Variants in NSUN6 observed in about 807,000 individuals in gnomAD.
The protein encoded by NSUN6 is NOP2/Sun RNA methyltransferase 6.
Under a neutral mutation model 58.0 loss-of-function variants are expected in NSUN6, and 64 were observed. The ratio of observed to expected loss-of-function variants is 1.10; its 90% CI spans 0.90 to 1.36. The LOEUF (loss-of-function observed/expected upper bound fraction) is 1.36, where lower values mean the gene tolerates loss of function less well. Among genes scored for constraint, NSUN6 ranks in the 40% most tolerant of loss-of-function variants. NSUN6 has a pLI of 0.00. For synonymous variants in NSUN6, 231 were observed against 193.9 expected (o/e 1.19, Z -1.59); for missense variants, 701 against 550.1 (o/e 1.27, Z -2.74).
intron 7 of NSUN6, among the ~76,000 whole-genome samples, chr10:18,592,374 A>G (rs1023953234): frequency 4.6e-5 from 7 of 152,218 alleles, no homozygotes; most frequent in African/African-American, 1.7e-4. Flanking sequence ...AAAATACTTT[A>G]AACTTCATAT....
In NSUN6 at chr10:18,545,939, G is replaced by C. The variant is rs137970631; in HGVS notation, c.1404C>G (p.Ser468Arg). The C allele has an allele frequency of 4.7e-4, 728 of 1,542,258 alleles. No homozygotes were observed. Among genetic ancestry groups the C allele is most frequent in the South Asian group, 4.8e-4 (41 of 85,046 alleles). ...CTGAGCATCCATCCCTCTCCTATGT[G>C]CTTTTGCATTTTACAAATTTTGCAA... ...FFIAKFVKCKST is the reference protein window; with the variant it reads ...FFIAKFVKCKRT The change falls in exon 11 of 11, where the codon AGC becomes AGG. Residue 468 changes from serine to arginine, a missense_variant. Physicochemically the swap from Ser to Arg is moderately radical, Grantham distance 110 (BLOSUM62 -1). Coordinates refer to ENST00000377304, the MANE Select transcript of NSUN6 (RefSeq NM_182543.5).
chr10:18,580,999 G>A lies in NSUN6; in HGVS notation c.922+4950C>T, dbSNP rs78930017. On this transcript the variant is annotated intron_variant, in intron 8 of 10. Transcript: ENST00000377304. ...ACACTTGGAAGAGGGCCAACTGGGC[G>A]ACTTGAGAGATCAAGTGCATGGTCT... 3.8e-3 allele frequency among the ~76,000 whole-genome samples: 573 copies of A among 152,292 alleles called. 3 individuals carry two copies. Among genetic ancestry groups the A allele is most frequent in the African/African-American group, 0.013 (551 of 41,556 alleles).
At chr10:18,598,780 T>G (rs7894016) in intron 6 of NSUN6, among the ~76,000 whole-genome samples, 53,335 of 152,056 alleles carry the variant, frequency 0.35, 9,919 homozygotes, top group East Asian at 0.74. Context: ...GTTTTATTTA[T>G]TACAAAAATA....
chr10:18,654,276 T>A (rs185411289), upstream of NSUN6, among the ~76,000 whole-genome samples: 165 of 152,224 alleles, frequency 1.1e-3, no homozygotes, highest in African/African-American at 3.8e-3. Flanking sequence ...GTTAACTAAT[T>A]TCTATCTAGT....
intron 8 of NSUN6, among the ~76,000 whole-genome samples, chr10:18,563,364 G>A (rs2055684957): frequency 6.6e-6 from 1 of 150,930 alleles, no homozygotes; most frequent in African/African-American, 2.4e-5. Flanking sequence ...AACTAGAATG[G>A]AGAATGGAAT....
intron 7 of NSUN6, among the ~76,000 whole-genome samples, chr10:18,589,536 C>G (rs2057299649): frequency 6.6e-6 from 1 of 152,154 alleles, no homozygotes; most frequent in Non-Finnish European, 1.5e-5. Flanking sequence ...CAAAGGGAAG[C>G]CCATCGGACT....
chr10:18,570,846 ATTCCATTCTC>A (rs1374377420), intron 8 of NSUN6, among the ~76,000 whole-genome samples: 2 of 140,850 alleles, frequency 1.4e-5, no homozygotes, highest in Admixed American at 7.2e-5. Flanking sequence ...CCCATTCTCT[ATTCCATTCTC>A]TTCCATTCTC....
At chr10:18,618,439 T>C (rs917962862) in intron 3 of NSUN6, among the ~76,000 whole-genome samples, 1 of 152,122 alleles carries the variant, frequency 6.6e-6, no homozygotes, top group African/African-American at 2.4e-5. Flanking sequence ...CCCAGTACTT[T>C]TGGAGGCTGA....
intron 8 of NSUN6, among the ~76,000 whole-genome samples, chr10:18,574,783 T>C (rs1327679077): frequency 6.6e-6 from 1 of 152,172 alleles, no homozygotes; most frequent in Non-Finnish European, 1.5e-5. Context: ...TCATTAATAT[T>C]AAAGATCAAG....
Position 18,648,681 on chromosome 10 carries a change from T to C in NSUN6, c.76-36A>G, listed in dbSNP as rs774997952. 2.3e-6 allele frequency: 3 copies of C among 1,293,104 alleles called. No individual in the cohort carries two copies. The South Asian group carries it at 3.7e-5, about 16-fold the overall frequency. The allele number at this position is 1,293,104 out of a possible 1,614,324, so 80.1% of individuals were successfully genotyped here. On this transcript the variant is annotated intron_variant, in intron 1 of 10. Transcript: ENST00000377304. ...GTTCATGTTTAAATTTCCTGAGAAT[T>C]AAAAACAGTCAGCAGAGCATCCTTA...
At chr10:18,575,192 G>C (rs1452514730) in intron 8 of NSUN6, among the ~76,000 whole-genome samples, 1 of 152,158 alleles carries the variant, frequency 6.6e-6, no homozygotes, top group East Asian at 1.9e-4. Context: ...AATTCTCAGA[G>C]TTTATGGTTG....
chr10:18,593,839 C>T (rs940166169), intron 7 of NSUN6, among the ~76,000 whole-genome samples: 5 of 149,364 alleles, frequency 3.3e-5, no homozygotes, highest in African/African-American at 4.9e-5. Flanking sequence ...CAAACCTGCA[C>T]ATTCTGCAGG....
intron 8 of NSUN6, among the ~76,000 whole-genome samples, chr10:18,558,315 GGAGAA>G: frequency 6.7e-6 from 1 of 149,580 alleles, no homozygotes; most frequent in African/African-American, 2.4e-5. Context: ...GGAATGGAAT[GGAGAA>G]CAGAATGGAA....
At chr10:18,656,840 T>C (rs1590217911), upstream of NSUN6, among the ~76,000 whole-genome samples, 1 of 88,022 alleles carries the variant, frequency 1.1e-5, no homozygotes, top group Admixed American at 1.1e-4. Flanking sequence ...TTTTTTTTTT[T>C]TTGGTTCAGA....
rs1003412789 is a variant in NSUN6 at position 18,566,693 on chromosome 10, TTCCACACCATTC to T, written c.923-14734_923-14723del. On this transcript the variant is annotated intron_variant, in intron 8 of 10. Transcript: ENST00000377304. ...ATTGAATGCTCCATTTTCTGTTCCA[TTCCACACCATTC>T]TCCACTCCATTCTCCATTTCATTCC... 3.0e-3 allele frequency among the ~76,000 whole-genome samples: 460 copies of T among 151,542 alleles called. 2 individuals carry two copies. Among genetic ancestry groups the T allele is most frequent in the African/African-American group, 0.011 (439 of 41,426 alleles).
Position 18,640,686 on chromosome 10 carries a change from G to A in NSUN6, c.311+1790C>T, listed in dbSNP as rs1251487905. On this transcript the variant is annotated intron_variant, in intron 3 of 10. Transcript: ENST00000377304. ...GACTGGGGTGGGTCTTGGCTGCACAGTTGTACATATTTGTCAAAACCCAAC... is the reference window on the plus strand; with the variant it reads ...GACTGGGGTGGGTCTTGGCTGCACAATTGTACATATTTGTCAAAACCCAAC... Among the ~76,000 whole-genome samples the A allele has an allele frequency of 2.0e-5, 3 of 152,206 alleles. No individual in the cohort carries two copies. In the East Asian group the frequency reaches 5.8e-4, roughly 29 times the overall value.
rs1467494525 is a variant in NSUN6, at chr10:18,636,382, C to T, written c.311+6094G>A. ...TTAAAAAAAAAAAAAAAAAACTGGC[C>T]GGCCATGGTGGCTGGCACTTATAAT... On this transcript the variant is annotated intron_variant, in intron 3 of 10. Transcript: ENST00000377304. Among the ~76,000 whole-genome samples, 5 of 150,510 alleles carry T rather than the reference C, an allele frequency of 3.3e-5. No homozygotes were observed. The South Asian group carries it at 6.3e-4, about 19-fold the overall frequency.
intron 3 of NSUN6, among the ~76,000 whole-genome samples, chr10:18,629,835 C>G (rs370742182): frequency 1.4e-4 from 21 of 148,000 alleles, no homozygotes; most frequent in Non-Finnish European, 1.8e-4. Context: ...GTCAACATTA[C>G]ACAGATCAAC....
intron 2 of NSUN6, among the ~76,000 whole-genome samples, chr10:18,648,046 TA>T (rs2059600594): frequency 6.6e-6 from 1 of 152,280 alleles, no homozygotes; most frequent in Non-Finnish European, 1.5e-5. Flanking sequence ...GCCCAACATC[TA>T]TTTTTTTATG....
Sources: allele counts gnomAD v4.1 joint callset (sites outside exome capture counted in the v4.1 genomes callset), GRCh38; gene constraint gnomAD v4.1.1; transcripts MANE v1.5; gene names NCBI Gene and HGNC (gene_info 2026-07-23, HGNC 2026-07-21).